DYNC2LI1: variants seen among roughly 807,000 people sequenced by gnomAD.
DYNC2LI1 encodes the protein dynein cytoplasmic 2 light intermediate chain 1, also known as cytoplasmic dynein 2 light intermediate chain 1.
A neutral mutation model predicts 51.9 loss-of-function variants in DYNC2LI1; 45 were observed. That is an observed-to-expected ratio of 0.87 (90% confidence interval 0.68 to 1.11). The LOEUF is 1.11. DYNC2LI1 is among the 50% of genes most tolerant of loss of function. The probability of loss-of-function intolerance (pLI) is 0.00; values close to 1 mark genes in which losing one functional copy is unlikely to be tolerated. For missense variants in DYNC2LI1, 490 were observed against 417.4 expected (o/e 1.17, Z -1.51); for synonymous variants, 130 against 137.8 (o/e 0.94, Z 0.40).
intron 4 of DYNC2LI1, among the ~76,000 whole-genome samples, chr2:43,787,615 G>T (rs1366202204): frequency 6.6e-6 from 1 of 152,122 alleles, no homozygotes; most frequent in Admixed American, 6.5e-5. Context: ...TAAATTATTA[G>T]CATTTAAAAA....
At chr2:43,823,421 T>C in the DYNC2LI1 span, among the ~76,000 whole-genome samples, 1 of 152,076 alleles carries the variant, frequency 6.6e-6, no homozygotes, top group South Asian at 2.1e-4. Context: ...TTCCCTCTTA[T>C]TCCCTAACAG....
At chr2:43,824,348 T>C in the DYNC2LI1 span, 1 of 1,614,236 alleles carries the variant, frequency 6.2e-7, no homozygotes, top group Non-Finnish European at 8.5e-7. Context: ...TGCTGATTTC[T>C]TGTAGGCAGA....
chr2:43,788,548 C>G (rs1673628428), intron 4 of DYNC2LI1, among the ~76,000 whole-genome samples: 2 of 152,146 alleles, frequency 1.3e-5, no homozygotes, highest in Admixed American at 1.3e-4. Flanking sequence ...TCTTCAGTGT[C>G]AGGACAGAAG....
chr2:43,804,683 G>A lies in DYNC2LI1; in HGVS notation c.844G>A (p.Ala282Thr), dbSNP rs772771481. Residue 282 changes from alanine to threonine, a missense_variant, in exon 11 of 13, where the codon GCC becomes ACC. Physicochemically the swap from Ala to Thr is moderately conservative, Grantham distance 58 (BLOSUM62 0). Coordinates refer to ENST00000260605, the MANE Select transcript of DYNC2LI1 (RefSeq NM_016008.4). ...VPENDIGKLH[A>T]HSPMELWKKV... ...TGAAAATGACATTGGAAAGCTTCATGCCCACTCACCTATGGAGTTGTGGAA... is the reference window on the plus strand; with the variant it reads ...TGAAAATGACATTGGAAAGCTTCATACCCACTCACCTATGGAGTTGTGGAA... The A allele has an allele frequency of 5.6e-6, 9 of 1,608,912 alleles. No individual in the cohort carries two copies. In the East Asian group the frequency reaches 2.0e-4, roughly 36 times the overall value.
the DYNC2LI1 span, chr2:43,826,340 C>G: frequency 6.2e-7 from 1 of 1,612,960 alleles, no homozygotes; most frequent in South Asian, 1.1e-5. Context: ...ATTCCCAGCT[C>G]AACACACCAT....
At chr2:43,776,044 C>CT (rs1384604870) in intron 1 of DYNC2LI1, among the ~76,000 whole-genome samples, 58 of 151,122 alleles carry the variant, frequency 3.8e-4, no homozygotes, top group African/African-American at 1.3e-3. Flanking sequence ...TCTTCTTCTT[C>CT]TTTTTTTATA....
chr2:43,786,920 G>A (rs1367970364), intron 3 of DYNC2LI1, among the ~76,000 whole-genome samples: 3 of 152,154 alleles, frequency 2.0e-5, no homozygotes, highest in East Asian at 1.9e-4. Flanking sequence ...GGCCATCCAC[G>A]CTGCCAGCCT....
rs1332335318 is a variant in DYNC2LI1, at chr2:43,800,979, T to A, written c.731+62T>A. On this transcript the variant is annotated intron_variant, in intron 9 of 12. Coordinates refer to ENST00000260605, the MANE Select transcript of DYNC2LI1 (RefSeq NM_016008.4). ...GATTGATTTAGCCAATGTTGTCTCA[T>A]CTGATTATTGTTCTACTCAGTCTCT... is the stretch of plus-strand genomic sequence containing the variant. 3.5e-6 allele frequency: 4 copies of A among 1,150,872 alleles called. No homozygotes were observed. In the East Asian group the frequency reaches 1.0e-4, roughly 29 times the overall value. The allele number at this position is 1,150,872 out of a possible 1,614,324, so 71.3% of individuals were successfully genotyped here.
rs146348931 is a variant in DYNC2LI1, at chr2:43,794,459, C to T, written c.323C>T (p.Thr108Met). The change falls in exon 6 of 13, where the codon ACG becomes ATG. Residue 108 changes from threonine (T) to methionine (M), a missense_variant and splice_region_variant. Physicochemically the swap from Thr to Met is moderately conservative, Grantham distance 81. Coordinates refer to ENST00000260605, the MANE Select transcript of DYNC2LI1 (RefSeq NM_016008.4). ...GAAAAGTGTTTTTATTTCTTTAGGA[C>T]GTTTTCTCTTGTTCTCGTTCTGGAT... is the stretch of plus-strand genomic sequence containing the variant. ...SIPITGDTLRTFSLVLVLDLS... is the reference protein window; with the variant it reads ...SIPITGDTLRMFSLVLVLDLS... The T allele has an allele frequency of 1.7e-5, 27 of 1,602,932 alleles. No homozygotes were observed. Among genetic ancestry groups the T allele is most frequent in the African/African-American group, 6.7e-5 (5 of 74,332 alleles).
the DYNC2LI1 span, among the ~76,000 whole-genome samples, chr2:43,816,360 G>A: frequency 3.3e-5 from 5 of 152,314 alleles, no homozygotes; most frequent in South Asian, 1.0e-3. Flanking sequence ...GGCTGAGAGA[G>A]AAAACAAAAG....
At chr2:43,776,982 A>C (rs1465224085) in intron 2 of DYNC2LI1, 83 bp downstream of exon 2, 2 of 734,248 alleles carry the variant, frequency 2.7e-6, no homozygotes, top group Non-Finnish European at 2.3e-6. Context: ...TAAAATGTAG[A>C]TACTTCAACA....
chr2:43,809,791 T>G lies in DYNC2LI1; in HGVS notation c.*24T>G, dbSNP rs763239509. 10 of 1,588,510 alleles carry G rather than the reference T, an allele frequency of 6.3e-6. No homozygotes were observed. The highest frequency in any genetic ancestry group is 6.9e-6 in the Non-Finnish European group (8 of 1,167,766). On this transcript the variant is annotated 3_prime_UTR_variant, in exon 13 of 13. Transcript: ENST00000260605. ...GAACCTATTTCAATTATTGTATATTTATTTCTTCTTTTCCAAATACAAATA... is the reference window on the plus strand; with the variant it reads ...GAACCTATTTCAATTATTGTATATTGATTTCTTCTTTTCCAAATACAAATA...
the DYNC2LI1 span, chr2:43,828,256 A>C: frequency 6.5e-4 from 713 of 1,095,872 alleles, 3 homozygotes; most frequent in East Asian, 0.016. Flanking sequence ...CCCTGGGGAA[A>C]GCATGTCTTT....
At position 43,794,541 on chromosome 2, in the gene DYNC2LI1, A is replaced by G; in HGVS notation, c.405A>G (p.Lys135=). The change falls in exon 6 of 13, where the codon AAA becomes AAG. Residue 135 remains lysine, a synonymous_variant. Transcript: ENST00000260605. The stretch of plus-strand genomic sequence containing the variant: ...TGGAAAATCTCTTGCAAGCCACAAA[A>G]AGCCATGTAGACAAAGTGATAATGA... ...PTMENLLQAT[K]SHVDKVIMKL... is the part of the protein sequence containing the mutation. 5 of 1,614,106 alleles carry G rather than the reference A, an allele frequency of 3.1e-6. No homozygotes were observed. Among genetic ancestry groups the G allele is most frequent in the Non-Finnish European group, 4.2e-6 (5 of 1,180,006 alleles).
At chr2:43,827,196 G>T in the DYNC2LI1 span, among the ~76,000 whole-genome samples, 20 of 152,002 alleles carry the variant, frequency 1.3e-4, no homozygotes, top group African/African-American at 4.8e-4. Flanking sequence ...GTGGTGGCAG[G>T]CGCCTGTAAT....
the DYNC2LI1 span, chr2:43,827,948 G>A: frequency 6.2e-7 from 1 of 1,612,870 alleles, no homozygotes; most frequent in South Asian, 1.1e-5. Context: ...AAGATGCCCA[G>A]ACAGCAGCTA....
At chr2:43,784,148 A>G (rs957725347) in intron 3 of DYNC2LI1, among the ~76,000 whole-genome samples, 1 of 152,194 alleles carries the variant, frequency 6.6e-6, no homozygotes, top group South Asian at 2.1e-4. Flanking sequence ...ATCAAAAGAG[A>G]TGGAATTTGG....
At chr2:43,792,429 C>G (rs943651138) in intron 5 of DYNC2LI1, among the ~76,000 whole-genome samples, 2 of 152,054 alleles carry the variant, frequency 1.3e-5, no homozygotes, top group South Asian at 2.1e-4. Flanking sequence ...GGATATAATC[C>G]TAAACCATCA....
At chr2:43,828,108 G>T in the DYNC2LI1 span, 3 of 1,613,838 alleles carry the variant, frequency 1.9e-6, no homozygotes, top group African/African-American at 4.0e-5. Flanking sequence ...TGCCATGACG[G>T]CCTCCACCTG....
Sources: allele counts gnomAD v4.1 joint callset (sites outside exome capture counted in the v4.1 genomes callset), GRCh38; gene constraint gnomAD v4.1.1; transcripts MANE v1.5; gene names NCBI Gene and HGNC (gene_info 2026-07-23, HGNC 2026-07-21).